Variants in GAB4 observed in about 807,000 individuals in gnomAD.
GAB4 encodes the protein GRB2-associated-binding protein 4.
A neutral mutation model predicts 51.3 loss-of-function variants in GAB4; 26 were observed. The ratio of observed to expected loss-of-function variants is 0.51; its 90% CI spans 0.37 to 0.70. The LOEUF (loss-of-function observed/expected upper bound fraction) is 0.70. Among genes scored for constraint, GAB4 ranks in the 30% least tolerant of loss-of-function variants. The pLI is 0.00. For synonymous variants in GAB4, 329 were observed against 291.2 expected (o/e 1.13, Z -1.32); for missense variants, 759 against 734.6 (o/e 1.03, Z -0.38).
Position 16,991,233 on chromosome 22 carries a change from C to T in GAB4, c.478+640G>A, listed in dbSNP as rs1333226628. Reference sequence around the variant, plus strand: ...ACTTGGCACAGGTCCTTGGCATCAACATTTTACAAATGTCCCTCCTTAATT... The same window carrying T: ...ACTTGGCACAGGTCCTTGGCATCAATATTTTACAAATGTCCCTCCTTAATT... On this transcript the variant is annotated intron_variant, in intron 2 of 9. Transcript: ENST00000400588. 2.0e-5 allele frequency among the ~76,000 whole-genome samples: 3 copies of T among 151,316 alleles called. No individual in the cohort carries two copies. In the East Asian group the frequency reaches 5.8e-4, roughly 29 times the overall value.
intron 1 of GAB4, among the ~76,000 whole-genome samples, chr22:17,004,449 AC>A (rs2061023361): frequency 6.6e-6 from 1 of 152,134 alleles, no homozygotes; most frequent in Admixed American, 6.5e-5. Flanking sequence ...GGCAAACCGA[AC>A]CCAGGCACAT....
Position 16,971,402 on chromosome 22 carries a change from C to T in GAB4, c.687-1209G>A, listed in dbSNP as rs139232015. ...TCTTGCTCTGCAACTCTACAGCCTT[C>T]GGCTTTATGAGAGTGGTTTTGGAAC... On this transcript the variant is annotated intron_variant, in intron 3 of 9. Coordinates refer to ENST00000400588, the MANE Select transcript of GAB4 (RefSeq NM_001037814.1). Among the ~76,000 whole-genome samples the T allele has an allele frequency of 6.7e-3, 1,027 of 152,266 alleles. 14 individuals carry two copies. Among genetic ancestry groups the T allele is most frequent in the African/African-American group, 0.024 (977 of 41,538 alleles).
chr22:16,995,319 C>T (rs2060942545), intron 1 of GAB4, among the ~76,000 whole-genome samples: 1 of 152,208 alleles, frequency 6.6e-6, no homozygotes. Context: ...AGTCTTCATC[C>T]TCCCAACACT....
intron 1 of GAB4, among the ~76,000 whole-genome samples, chr22:17,007,579 G>C (rs181299578): frequency 6.6e-6 from 1 of 150,830 alleles, no homozygotes; most frequent in Admixed American, 6.6e-5. Flanking sequence ...GAGAGGGTGC[G>C]AGGTGCCCGC....
intron 3 of GAB4, among the ~76,000 whole-genome samples, chr22:16,979,641 C>G (rs1431247535): frequency 1.3e-5 from 2 of 152,158 alleles, no homozygotes; most frequent in Non-Finnish European, 2.9e-5. Flanking sequence ...CTACCATTGA[C>G]TTCACAGAAT....
At chr22:16,986,936 G>A (rs1295989942) in intron 3 of GAB4, among the ~76,000 whole-genome samples, 1 of 152,190 alleles carries the variant, frequency 6.6e-6, no homozygotes, top group Non-Finnish European at 1.5e-5. Flanking sequence ...AAAGTGTGGG[G>A]CAAAGAGTTC....
intron 3 of GAB4, among the ~76,000 whole-genome samples, chr22:16,979,299 A>C (rs546649000): frequency 3.7e-4 from 56 of 152,340 alleles, no homozygotes; most frequent in African/African-American, 1.3e-3. Flanking sequence ...TCAGCCCCAA[A>C]TCTCCTTAAG....
chr22:16,970,234 G>A, intron 3 of GAB4, 41 bp from the exon 4 acceptor site: 1 of 1,608,466 alleles, frequency 6.2e-7, no homozygotes, highest in Non-Finnish European at 8.5e-7. Flanking sequence ...GGTGAGAGGA[G>A]GCCAGGACTG....
chr22:17,001,153 T>C (rs2060994599), intron 1 of GAB4, among the ~76,000 whole-genome samples: 1 of 152,206 alleles, frequency 6.6e-6, no homozygotes, highest in Admixed American at 6.5e-5. Flanking sequence ...CTTTGCAGCA[T>C]TCTCTGTATT....
intron 1 of GAB4, among the ~76,000 whole-genome samples, chr22:16,999,838 G>A (rs2060982161): frequency 2.0e-5 from 3 of 152,266 alleles, no homozygotes; most frequent in Admixed American, 6.5e-5. Context: ...CTGGTATGTT[G>A]TGCCTTTGTT....
At chr22:16,987,939 C>G in intron 3 of GAB4, 21 bp downstream of exon 3, 1 of 1,571,420 alleles carries the variant, frequency 6.4e-7, no homozygotes, top group South Asian at 1.2e-5. Context: ...ACTGCCCCCA[C>G]TGGCCATAGT....
Position 16,962,836 on chromosome 22 carries a change from T to C in GAB4, c.1622A>G (p.Tyr541Cys). The change falls in exon 10 of 10, where the codon TAT becomes TGT. Residue 541 changes from tyrosine to cysteine, a missense_variant. Physicochemically the swap from Tyr to Cys is radical, Grantham distance 194. Around this residue, in one of 3 missense-constraint regions of GAB4, gnomAD observed 588 missense variants for 510.2 expected, o/e 1.15. Transcript: ENST00000400588. Reference sequence around the variant, plus strand: ...GGTCTTCTCCAGATCCACCTGGACATAGTCCACCTTCTTGCCGGACGTGAC... The same window carrying C: ...GGTCTTCTCCAGATCCACCTGGACACAGTCCACCTTCTTGCCGGACGTGAC... ...GSVTSGKKVD[Y>C]VQVDLEKTQA... The C allele has an allele frequency of 1.2e-6, 2 of 1,613,614 alleles. No homozygotes were observed. The highest frequency in any genetic ancestry group is 4.5e-5 in the East Asian group (2 of 44,862).
chr22:16,966,188 G>C lies in GAB4; in HGVS notation c.1200C>G (p.Leu400=). The C allele has an allele frequency of 6.2e-7, 1 of 1,614,054 alleles. No individual in the cohort carries two copies. Among genetic ancestry groups the C allele is most frequent in the East Asian group, 2.2e-5 (1 of 44,862 alleles). The change falls in exon 6 of 10, where the codon CTC becomes CTG. Residue 400 remains leucine (L), a synonymous_variant. Transcript: ENST00000400588. The part of the protein sequence containing the change: ...LVRFDLLGSP[L]TELSMHQDLS... ...GGTCTTGGTGCATAGAAAGCTCTGT[G>C]AGTGGGGAGCCAAGCAGGTCAAAGC...
intron 5 of GAB4, chr22:16,966,623 T>A (rs1228889967): frequency 2.1e-6 from 1 of 483,866 alleles, no homozygotes; most frequent in Non-Finnish European, 3.7e-6. Flanking sequence ...ACAGTCAACA[T>A]GTAAAAGTGG....
chr22:16,994,276 T>A (rs1189726496), intron 1 of GAB4, among the ~76,000 whole-genome samples: 1 of 152,172 alleles, frequency 6.6e-6, no homozygotes, highest in Admixed American at 6.5e-5. Flanking sequence ...TGCTGCTATA[T>A]CAACTCCTGG....
intron 3 of GAB4, among the ~76,000 whole-genome samples, chr22:16,977,116 G>T (rs1400172192): frequency 3.3e-5 from 5 of 152,068 alleles, no homozygotes; most frequent in Non-Finnish European, 7.4e-5. Context: ...GCATCAACTA[G>T]CAGTCAAAAT....
chr22:16,988,345 G>A (rs761190672), intron 2 of GAB4, among the ~76,000 whole-genome samples, 178 bp from the exon 3 acceptor site: 4 of 152,206 alleles, frequency 2.6e-5, no homozygotes, highest in East Asian at 1.9e-4. Flanking sequence ...AGGAGCAGAC[G>A]CTCTGCCTCT....
At chr22:16,976,073 A>T (rs1053975967) in intron 3 of GAB4, among the ~76,000 whole-genome samples, 2 of 152,240 alleles carry the variant, frequency 1.3e-5, no homozygotes, top group African/African-American at 4.8e-5. Flanking sequence ...AAGATGAGGA[A>T]AAAACAGTGC....
intron 3 of GAB4, among the ~76,000 whole-genome samples, chr22:16,971,421 T>C (rs112023206): frequency 0.017 from 2,525 of 152,306 alleles, 85 homozygotes; most frequent in African/African-American, 0.059. Flanking sequence ...GAGAGTGGTT[T>C]TGGAACTGGG....
Sources: gnomAD v4.1 joint callset for allele counts (sites outside exome capture counted in the v4.1 genomes callset) on GRCh38, gnomAD v4.1.1 for gene constraint, gnomAD v4.1.1 regional missense constraint, MANE v1.5 for transcripts, NCBI Gene and HGNC (gene_info 2026-07-23, HGNC 2026-07-21) for gene names.